The following GLRA3 variants were observed in gnomAD, a reference collection of about 807,000 sequenced individuals.
GLRA3 encodes glycine receptor alpha 3.
Under a neutral mutation model 60.4 loss-of-function variants are expected in GLRA3, and 44 were observed. The ratio of observed to expected loss-of-function variants is 0.73; its 90% confidence interval spans 0.57 to 0.94. The LOEUF (loss-of-function observed/expected upper bound fraction) is 0.94. Among genes scored for constraint, GLRA3 ranks in the 40% least tolerant of loss-of-function variants. GLRA3 has a pLI of 0.00. For missense variants in GLRA3, 508 were observed against 564.6 expected (o/e 0.90, Z 1.02); for synonymous variants, 223 against 192.9 (o/e 1.16, Z -1.29).
intron 1 of GLRA3, among the ~76,000 whole-genome samples, chr4:174,802,312 A>G (rs1270183818): frequency 6.6e-6 from 1 of 152,010 alleles, no homozygotes; most frequent in East Asian, 1.9e-4. Flanking sequence ...TGAGACTTAC[A>G]TTTGTCTCAT....
intron 2 of GLRA3, among the ~76,000 whole-genome samples, chr4:174,781,817 TA>T (rs1307764804): frequency 1.3e-5 from 2 of 152,222 alleles, no homozygotes; most frequent in African/African-American, 4.8e-5. Flanking sequence ...ATTGTGGCAA[TA>T]ATCAATAGCT....
chr4:174,693,117 C>T (rs1734922143), intron 5 of GLRA3, among the ~76,000 whole-genome samples: 1 of 152,102 alleles, frequency 6.6e-6, no homozygotes, highest in Non-Finnish European at 1.5e-5. Flanking sequence ...TGTCTGTTTA[C>T]ACTGTTGATA....
intron 5 of GLRA3, among the ~76,000 whole-genome samples, chr4:174,708,214 A>G (rs1198620585): frequency 6.6e-6 from 1 of 152,176 alleles, no homozygotes; most frequent in African/African-American, 2.4e-5. Flanking sequence ...TTATAAAATA[A>G]TTGCAAAAAA....
At chr4:174,659,218 A>C in intron 7 of GLRA3, 21 bp from the exon 8 acceptor site, 1 of 1,591,810 alleles carries the variant, frequency 6.3e-7, no homozygotes, top group Non-Finnish European at 8.6e-7. Context: ...GAGAAAGAGA[A>C]AGCAAGCAAA....
At chr4:174,697,859 A>T (rs1735125053) in intron 5 of GLRA3, among the ~76,000 whole-genome samples, 1 of 152,226 alleles carries the variant, frequency 6.6e-6, no homozygotes, top group African/African-American at 2.4e-5. Context: ...TGAAAATCAG[A>T]AAATGACCTG....
chr4:174,719,351 A>G (rs1314187400), intron 4 of GLRA3, among the ~76,000 whole-genome samples: 1 of 152,198 alleles, frequency 6.6e-6, no homozygotes, highest in Non-Finnish European at 1.5e-5. Context: ...ATGACATTTT[A>G]AATTATGTAT....
intron 2 of GLRA3, among the ~76,000 whole-genome samples, chr4:174,769,810 G>GT (rs1032245585): frequency 2.0e-5 from 3 of 151,996 alleles, no homozygotes; most frequent in Non-Finnish European, 1.5e-5. Flanking sequence ...ATCAATGTCT[G>GT]TTTTTTTGCA....
chr4:174,636,999 G>A lies in GLRA3; in HGVS notation c.*6787C>T, dbSNP rs943208796. The A allele has an allele frequency of 2.0e-5, 3 of 152,262 alleles. No individual in the cohort carries two copies. The South Asian group carries it at 6.2e-4, about 32-fold the overall frequency. 9.4% of individuals were successfully genotyped at this position (152,262 alleles called of 1,614,324 possible). On this transcript the variant is annotated 3_prime_UTR_variant, in exon 10 of 10. Coordinates refer to ENST00000274093, the MANE Select transcript of GLRA3 (RefSeq NM_006529.4). ...GTTAAATACTTTATACTGTTCACAG[G>A]TTAATGACTCTGATAGAGAGTCTGT...
chr4:174,742,367 A>C (rs1737062817), intron 3 of GLRA3, among the ~76,000 whole-genome samples: 1 of 152,218 alleles, frequency 6.6e-6, no homozygotes, highest in African/African-American at 2.4e-5. Context: ...AGAATGAAAT[A>C]GTTGTATAAC....
intron 7 of GLRA3, among the ~76,000 whole-genome samples, chr4:174,669,069 C>A (rs1357105376): frequency 6.6e-6 from 1 of 151,842 alleles, no homozygotes; most frequent in East Asian, 1.9e-4. Context: ...TGTGTTATGC[C>A]TTGTTTTGTG....
chr4:174,704,774 A>C (rs1434951152), intron 5 of GLRA3, among the ~76,000 whole-genome samples: 1 of 144,152 alleles, frequency 6.9e-6, no homozygotes, highest in Non-Finnish European at 1.5e-5. Flanking sequence ...AAGGAAGAAA[A>C]TCCTGACATA....
At chr4:174,760,474 C>T (rs1337089354) in intron 3 of GLRA3, among the ~76,000 whole-genome samples, 1 of 152,070 alleles carries the variant, frequency 6.6e-6, no homozygotes, top group Non-Finnish European at 1.5e-5. Flanking sequence ...TAGGAATATA[C>T]CCTGTAGAAT....
intron 4 of GLRA3, chr4:174,722,800 A>AT (rs1383772075): frequency 6.0e-6 from 1 of 166,882 alleles, no homozygotes; most frequent in Non-Finnish European, 1.5e-5. Flanking sequence ...ATTCAACAAG[A>AT]TTTTTTCTTT....
At chr4:174,727,285 C>G (rs904727470) in intron 4 of GLRA3, among the ~76,000 whole-genome samples, 1 of 152,256 alleles carries the variant, frequency 6.6e-6, no homozygotes, top group East Asian at 1.9e-4. Flanking sequence ...ATTTTAGAAT[C>G]CTACTATTTT....
At chr4:174,786,141 T>A (rs9992190) in intron 2 of GLRA3, among the ~76,000 whole-genome samples, 1 of 151,806 alleles carries the variant, frequency 6.6e-6, no homozygotes, top group Non-Finnish European at 1.5e-5. Context: ...TCTCTAAACT[T>A]GCTTACTATT....
chr4:174,781,778 C>T (rs1054456484), intron 2 of GLRA3, among the ~76,000 whole-genome samples: 3 of 152,014 alleles, frequency 2.0e-5, no homozygotes, highest in Non-Finnish European at 4.4e-5. Context: ...GAAGTTGAAT[C>T]TCTGAATAGA....
intron 4 of GLRA3, among the ~76,000 whole-genome samples, chr4:174,724,284 T>C (rs915754671): frequency 6.6e-6 from 1 of 151,996 alleles, no homozygotes; most frequent in African/African-American, 2.4e-5. Flanking sequence ...AAAAGATATC[T>C]TATGTACACA....
At chr4:174,806,325 C>T (rs1740050752) in intron 1 of GLRA3, among the ~76,000 whole-genome samples, 1 of 152,004 alleles carries the variant, frequency 6.6e-6, no homozygotes, top group Non-Finnish European at 1.5e-5. Flanking sequence ...AACCAAACAA[C>T]AAAATTTCAA....
At chr4:174,696,869 C>T (rs1160626622) in intron 5 of GLRA3, among the ~76,000 whole-genome samples, 2 of 151,918 alleles carry the variant, frequency 1.3e-5, no homozygotes, top group African/African-American at 4.8e-5. Context: ...TAAAAGGGAA[C>T]TGGTAATGAG....
Sources: gnomAD v4.1 joint callset for allele counts (sites outside exome capture counted in the v4.1 genomes callset) on GRCh38, gnomAD v4.1.1 for gene constraint, MANE v1.5 for transcripts, NCBI Gene and HGNC (gene_info 2026-07-23, HGNC 2026-07-21) for gene names.